Variants in TBPL1 observed in about 807,000 individuals in gnomAD.
The protein encoded by TBPL1 is TATA-box binding protein like 1, also known as TATA box-binding protein-like 1.
In TBPL1, 4 loss-of-function variants were observed where a neutral mutation model predicts 22.1. The observed-to-expected ratio is 0.18, with a 90% CI of 0.09 to 0.41. The LOEUF (loss-of-function observed/expected upper bound fraction) is 0.41, where lower values mean the gene tolerates loss of function less well. TBPL1 is among the 10% of genes least tolerant of loss of function. TBPL1 has a pLI of 1.00. For missense variants in TBPL1, 115 were observed against 222.3 expected, an observed-to-expected ratio of 0.52 and a Z score of 3.07; for synonymous variants, 64 against 71.0, an observed-to-expected ratio of 0.90 and a Z score of 0.50.
At chr6:133,971,119 G>T (rs9399083) in intron 1 of TBPL1, among the ~76,000 whole-genome samples, 1 of 151,468 alleles carries the variant, frequency 6.6e-6, no homozygotes, top group African/African-American at 2.4e-5. Flanking sequence ...TCTGTTAATC[G>T]CTCTTCTTTC....
At chr6:133,966,349 A>G (rs1583814450) in intron 1 of TBPL1, among the ~76,000 whole-genome samples, 1 of 152,202 alleles carries the variant, frequency 6.6e-6, no homozygotes, top group East Asian at 1.9e-4. Flanking sequence ...TGATATAAGT[A>G]TGTATAGTAA....
chr6:133,973,249 A>G (rs528070927), intron 1 of TBPL1, among the ~76,000 whole-genome samples: 76 of 152,222 alleles, frequency 5.0e-4, no homozygotes, highest in Non-Finnish European at 8.7e-4. Flanking sequence ...GTGGGTTCCT[A>G]TTGTGTTTGC....
chr6:133,968,032 CA>C (rs1459889898), intron 1 of TBPL1, among the ~76,000 whole-genome samples: 4 of 145,072 alleles, frequency 2.8e-5, no homozygotes, highest in African/African-American at 1.0e-4. Context: ...TTTTTTGAGA[CA>C]GAGTCTTGCT....
Position 133,980,224 on chromosome 6 carries a change from G to A in TBPL1, c.99G>A (p.Leu33=). 1.9e-6 allele frequency: 3 copies of A among 1,609,242 alleles called. No homozygotes were observed. Among genetic ancestry groups the A allele is most frequent in the Non-Finnish European group, 2.5e-6 (3 of 1,178,152 alleles). The part of the protein sequence containing the change: ...RCHLNLRKIA[L]EGANVIYKRD... The stretch of plus-strand genomic sequence containing the variant: ...ATTTAAACTTAAGGAAGATTGCTTT[G>A]GAAGGAGCAAATGTAATTTATAAAC... Residue 33 remains leucine, a synonymous_variant, in exon 2 of 7, where the codon TTG becomes TTA. Coordinates refer to ENST00000237264, the MANE Select transcript of TBPL1 (RefSeq NM_004865.4).
intron 1 of TBPL1, among the ~76,000 whole-genome samples, chr6:133,978,930 A>G (rs963228782): frequency 6.6e-6 from 1 of 152,144 alleles, no homozygotes; most frequent in African/African-American, 2.4e-5. Context: ...TCATTTTCTG[A>G]TCTTTTTGTG....
chr6:133,955,309 T>C (rs1392284808), intron 1 of TBPL1, among the ~76,000 whole-genome samples: 2 of 150,866 alleles, frequency 1.3e-5, no homozygotes, highest in Non-Finnish European at 2.9e-5. Context: ...AACAATGCAG[T>C]GTCTGCTTTC....
At position 133,987,169 on chromosome 6, in the gene TBPL1, G is replaced by A; in HGVS notation, c.*129G>A. On this transcript the variant is annotated 3_prime_UTR_variant, in exon 7 of 7. Transcript: ENST00000237264. ...TCTTTTATTCATTCACGGCTACAGT[G>A]TAAGCTCCAGTCCCTTTGGATTTTA... 1 of 542,564 alleles carries A rather than the reference G, an allele frequency of 1.8e-6. No homozygotes were observed. Among genetic ancestry groups the A allele is most frequent in the Non-Finnish European group, 3.1e-6 (1 of 317,506 alleles). The allele number at this position is 542,564 out of a possible 1,614,324, so 33.6% of individuals were successfully genotyped here. A position where few individuals can be genotyped will look rare whatever the true frequency, so the allele number is the denominator to read the frequency against.
In TBPL1 at chr6:133,963,698, G is replaced by A. The variant is rs556376460; in HGVS notation, c.-45+10273G>A. On this transcript the variant is annotated intron_variant, in intron 1 of 6. Coordinates refer to ENST00000237264, the MANE Select transcript of TBPL1 (RefSeq NM_004865.4). ...GGCCTCCCAAAGTGCTGGGATTACA[G>A]GCATGAGTCCACCAGGCCTGTCCTT... 1.4e-4 allele frequency among the ~76,000 whole-genome samples: 21 copies of A among 151,964 alleles called. No individual in the cohort carries two copies. The South Asian group carries it at 3.1e-3, about 23-fold the overall frequency.
chr6:133,967,179 C>G (rs905942182), intron 1 of TBPL1, among the ~76,000 whole-genome samples: 3 of 152,172 alleles, frequency 2.0e-5, no homozygotes, highest in Non-Finnish European at 2.9e-5. Flanking sequence ...TGTTCACTAC[C>G]AGGTCCCTAT....
At chr6:133,970,078 C>A (rs555768727) in intron 1 of TBPL1, among the ~76,000 whole-genome samples, 6 of 152,312 alleles carry the variant, frequency 3.9e-5, no homozygotes, top group African/African-American at 1.4e-4. Flanking sequence ...GGACACGAAT[C>A]TTCTGGGGAG....
intron 2 of TBPL1, among the ~76,000 whole-genome samples, chr6:133,982,352 C>T (rs1426509712): frequency 6.6e-6 from 1 of 152,168 alleles, no homozygotes; most frequent in African/African-American, 2.4e-5. Flanking sequence ...GATTTCTATA[C>T]ACCTTGTATT....
intron 1 of TBPL1, among the ~76,000 whole-genome samples, chr6:133,964,408 G>A (rs890629982): frequency 4.0e-5 from 6 of 150,720 alleles, no homozygotes; most frequent in African/African-American, 1.5e-4. Flanking sequence ...AGAAATGTTT[G>A]AACTGTTTGT....
intron 3 of TBPL1, 35 bp downstream of exon 3, chr6:133,982,685 T>C (rs1776437696): frequency 6.2e-7 from 1 of 1,600,228 alleles, no homozygotes; most frequent in African/African-American, 1.3e-5. Flanking sequence ...TTTTATTTTT[T>C]ACTTTTTCCC....
At chr6:133,976,900 G>A (rs756021761) in intron 1 of TBPL1, among the ~76,000 whole-genome samples, 2 of 151,606 alleles carry the variant, frequency 1.3e-5, no homozygotes, top group Non-Finnish European at 2.9e-5. Context: ...TCCAGGAGGC[G>A]GAGGTTGCCG....
At chr6:133,975,426 A>G (rs902773411) in intron 1 of TBPL1, among the ~76,000 whole-genome samples, 1 of 152,226 alleles carries the variant, frequency 6.6e-6, no homozygotes, top group Admixed American at 6.5e-5. Context: ...TAATTTAAAA[A>G]TTAGAAATTG....
At chr6:133,984,732 T>C (rs1776478046) in intron 6 of TBPL1, 61 bp downstream of exon 6, 1 of 1,358,248 alleles carries the variant, frequency 7.4e-7, no homozygotes, top group East Asian at 2.4e-5. Flanking sequence ...AAGATGCTCA[T>C]ACCAAGATAG....
chr6:133,952,544 A>G (rs1477220444), upstream of TBPL1: 2 of 152,104 alleles, frequency 1.3e-5, no homozygotes, highest in Non-Finnish European at 2.9e-5. This position sits in a 1 kb window ranked among gnomAD's most constrained non-coding sequence, Gnocchi z 4.5. Flanking sequence ...TTGTGTCTCC[A>G]TCTCTCCCCA....
At chr6:133,964,417 G>GT (rs1201567242) in intron 1 of TBPL1, among the ~76,000 whole-genome samples, 13 of 146,254 alleles carry the variant, frequency 8.9e-5, no homozygotes, top group East Asian at 4.0e-4. Context: ...TGAACTGTTT[G>GT]TTTTTTTTGT....
chr6:133,955,856 T>A (rs1562653879), intron 1 of TBPL1, among the ~76,000 whole-genome samples: 1 of 152,220 alleles, frequency 6.6e-6, no homozygotes, highest in Non-Finnish European at 1.5e-5. Flanking sequence ...GGGAACTACT[T>A]ATAGTAATTT....
Sources: gnomAD v4.1 joint callset for allele counts (sites outside exome capture counted in the v4.1 genomes callset) on GRCh38, gnomAD v4.1.1 for gene constraint, Gnocchi (gnomAD v3.1) non-coding constraint, MANE v1.5 for transcripts, NCBI Gene and HGNC (gene_info 2026-07-23, HGNC 2026-07-21) for gene names.